RAF1: variants seen among roughly 807,000 people sequenced by gnomAD.
The protein encoded by RAF1 is RAF proto-oncogene serine/threonine-protein kinase.
Under a neutral mutation model 81.1 loss-of-function variants are expected in RAF1, and 27 were observed. The ratio of observed to expected loss-of-function variants is 0.33; its 90% CI spans 0.25 to 0.46. RAF1 has a LOEUF of 0.46. Ranked by LOEUF, RAF1 falls within the 20% of genes least tolerant of loss-of-function variation. The pLI is 1.00. For missense variants in RAF1, 598 were observed against 826.0 expected, an observed-to-expected ratio of 0.72 and a Z score of 3.38; for synonymous variants, 298 against 294.0, an observed-to-expected ratio of 1.01 and a Z score of -0.14.
Position 12,605,258 on chromosome 3 carries a change from G to A in RAF1, c.680+943C>T, listed in dbSNP as rs898874095. On this transcript the variant is annotated intron_variant, in intron 6 of 17. Coordinates refer to ENST00000442415, the MANE Select transcript of RAF1 (RefSeq NM_001354689.3). ...TTATCTGATTACACATTATGTGTGTGTGTGTGTGTGTGTGTGTGTGTGTGT... is the reference window on the plus strand; with the variant it reads ...TTATCTGATTACACATTATGTGTGTATGTGTGTGTGTGTGTGTGTGTGTGT... Among the ~76,000 whole-genome samples, 242 of 151,636 alleles carry A rather than the reference G, an allele frequency of 1.6e-3. 1 individual carries two copies. The highest frequency in any genetic ancestry group is 5.7e-3 in the African/African-American group (234 of 41,334).
At chr3:12,624,885 CAAAA>C (rs11298876) in intron 1 of RAF1, among the ~76,000 whole-genome samples, 2 of 111,730 alleles carry the variant, frequency 1.8e-5, no homozygotes, top group African/African-American at 7.3e-5. Context: ...GACTCCAACT[CAAAA>C]AAAAAAAAAA....
At chr3:12,588,671 T>A (rs2125335743) in intron 13 of RAF1, 1 of 152,362 alleles carries the variant, frequency 6.6e-6, no homozygotes, top group East Asian at 1.9e-4. Flanking sequence ...CTATATTATA[T>A]CTTACATGAT....
In RAF1 at chr3:12,617,891, AAG is replaced by A. The variant is rs1319727820; in HGVS notation, c.207+622_207+623del. Among the ~76,000 whole-genome samples, 48 of 146,604 alleles carry A rather than the reference AAG, an allele frequency of 3.3e-4. 5 individuals carry two copies. The highest frequency in any genetic ancestry group is 6.3e-4 in the African/African-American group (25 of 39,514). On this transcript the variant is annotated intron_variant, in intron 2 of 17. Transcript: ENST00000442415. Reference sequence around the variant, plus strand: ...GAGAATCCGTCTCAAAAAAAAAAAAAAGAAAAGAAAAAGAAAAAGAAATTTTC... The same window carrying A: ...GAGAATCCGTCTCAAAAAAAAAAAAAAAAAGAAAAAGAAAAAGAAATTTTC...
chr3:12,603,405 G>T, intron 8 of RAF1: 1 of 594,698 alleles, frequency 1.7e-6, no homozygotes. Flanking sequence ...TTCATTTTTG[G>T]TAGTCTGCTG....
intron 4 of RAF1, 87 bp from the exon 5 acceptor site, chr3:12,609,010 T>C: frequency 6.9e-7 from 1 of 1,452,032 alleles, no homozygotes; most frequent in South Asian, 1.2e-5. Context: ...AAAAAAGTTT[T>C]TACAAAATGA....
chr3:12,595,787 T>C (rs751387029), intron 11 of RAF1, among the ~76,000 whole-genome samples: 1 of 152,128 alleles, frequency 6.6e-6, no homozygotes, highest in Non-Finnish European at 1.5e-5. Flanking sequence ...CATATCTCCT[T>C]TCCTCCATTT....
intron 2 of RAF1, among the ~76,000 whole-genome samples, chr3:12,617,071 A>C (rs1210043287): frequency 1.3e-5 from 2 of 152,060 alleles, no homozygotes; most frequent in African/African-American, 4.8e-5. Flanking sequence ...AGTACCGAGT[A>C]GCTGGGACTA....
At chr3:12,636,466 T>C (rs892715458) in intron 1 of RAF1, among the ~76,000 whole-genome samples, 23 of 148,512 alleles carry the variant, frequency 1.5e-4, no homozygotes, top group African/African-American at 5.8e-4. Flanking sequence ...ACTGATTGAT[T>C]ACATTAAAAT....
rs143947594 is a variant in RAF1, at chr3:12,643,081, G to A, written c.-27+20732C>T. ...AGTAAGATCCATTATCTTTTAAAAA[G>A]TCTAAACACTGGTAAGGCAAGACAC... On this transcript the variant is annotated intron_variant, in intron 1 of 17. Transcript: ENST00000442415. Among the ~76,000 whole-genome samples, 490 of 152,132 alleles carry A rather than the reference G, an allele frequency of 3.2e-3. 3 individuals carry two copies. Among genetic ancestry groups the A allele is most frequent in the African/African-American group, 0.011 (459 of 41,504 alleles).
intron 13 of RAF1, chr3:12,589,242 T>C (rs1363319297): frequency 2.0e-5 from 3 of 152,174 alleles, no homozygotes; most frequent in Non-Finnish European, 4.4e-5. Context: ...TAAAATTAGA[T>C]AGTGGTGGTG....
At chr3:12,592,018 TCCTCCC>T in intron 11 of RAF1, 1 of 570,802 alleles carries the variant, frequency 1.8e-6, no homozygotes, top group South Asian at 2.0e-5. Context: ...GCTTAAGCAA[TCCTCCC>T]ACCTTGGCCT....
intron 5 of RAF1, chr3:12,608,478 CTT>C (rs1024916750): frequency 5.3e-5 from 23 of 437,424 alleles, no homozygotes; most frequent in Non-Finnish European, 7.6e-5. Flanking sequence ...AAAAAATCTT[CTT>C]GTTTTCATAT....
intron 2 of RAF1, 52 bp from the exon 3 acceptor site, chr3:12,612,114 G>A (rs771413490): frequency 7.1e-7 from 1 of 1,413,394 alleles, no homozygotes; most frequent in South Asian, 1.1e-5. Flanking sequence ...GCACCCCTTG[G>A]AAAGGTGGGC....
intron 1 of RAF1, among the ~76,000 whole-genome samples, chr3:12,655,679 C>T (rs939705397): frequency 2.0e-5 from 3 of 152,106 alleles, no homozygotes; most frequent in African/African-American, 7.2e-5. Flanking sequence ...ATCCAAGTGT[C>T]CATCACTGAT....
intron 1 of RAF1, among the ~76,000 whole-genome samples, chr3:12,634,153 C>CTCT (rs1229335087): frequency 7.5e-4 from 106 of 141,514 alleles, no homozygotes; most frequent in Non-Finnish European, 1.2e-3. Context: ...TCCTTTCTCT[C>CTCT]TTTTTTTTTT....
At chr3:12,603,172 CCA>C (rs2125392727) in intron 8 of RAF1, among the ~76,000 whole-genome samples, 1 of 152,262 alleles carries the variant, frequency 6.6e-6, no homozygotes, top group Admixed American at 6.5e-5. Context: ...CTTCTGGGCT[CCA>C]GTGATCCTCC....
intron 7 of RAF1, 66 bp downstream of exon 7, chr3:12,604,070 C>T (rs2125396246): frequency 6.3e-7 from 1 of 1,588,714 alleles, no homozygotes; most frequent in East Asian, 2.2e-5. Context: ...ACCCAAAACT[C>T]TGAAATAAGT....
chr3:12,611,948 A>ACCC lies in RAF1; in HGVS notation c.319_320+1dup. 1 of 1,612,736 alleles carries ACCC rather than the reference A, an allele frequency of 6.2e-7. No homozygotes were observed. Among genetic ancestry groups the ACCC allele is most frequent in the Non-Finnish European group, 8.5e-7 (1 of 1,178,732 alleles). On this transcript the variant is annotated splice_donor_variant, in intron 3 of 17. Transcript: ENST00000442415. LOFTEE classifies it high-confidence loss of function. ...GAAGTCAATTGACTTTTGAGCTCTT[A>ACCC]CCCTTTGTGTTCGTGGAGAAGTCTG...
chr3:12,592,203 C>G (rs1482911550), intron 11 of RAF1: 1 of 328,504 alleles, frequency 3.0e-6, no homozygotes, highest in East Asian at 8.0e-5. Flanking sequence ...CAGGTCAAAA[C>G]CTTGTCCTGT....
Sources: allele counts gnomAD v4.1 joint callset (sites outside exome capture counted in the v4.1 genomes callset), GRCh38; gene constraint gnomAD v4.1.1; transcripts MANE v1.5; gene names NCBI Gene and HGNC (gene_info 2026-07-23, HGNC 2026-07-21).